The following PDE4D variants were observed in gnomAD, a reference collection of about 807,000 sequenced individuals.
PDE4D encodes the protein phosphodiesterase 4D.
PDE4D carries 24 observed loss-of-function variants against 87.4 expected under a neutral mutation model. The observed-to-expected ratio is 0.27, with a 90% CI of 0.20 to 0.39. PDE4D has a LOEUF of 0.39. Ranked by LOEUF, PDE4D falls within the 10% of genes least tolerant of loss-of-function variation. PDE4D has a pLI of 1.00. For synonymous variants in PDE4D, 384 were observed against 383.2 expected, an observed-to-expected ratio of 1.00 and a Z score of -0.02; for missense variants, 714 against 1,041.0, an observed-to-expected ratio of 0.69 and a Z score of 4.32.
Position 60,414,828 on chromosome 5 carries a change from C to G in PDE4D, c.-90+73114G>C, listed in dbSNP as rs183029230. ...ATTCCACATGACAGCCTTCACTTAC[C>G]TATCTAAGGTCATAACATCCCCAAA... On this transcript the variant is annotated intron_variant, in intron 1 of 16. Transcript: ENST00000502484. Among the ~76,000 whole-genome samples the G allele has an allele frequency of 3.0e-4, 46 of 152,354 alleles. 2 individuals carry two copies. The East Asian group carries it at 5.0e-3, about 17-fold the overall frequency.
intron 1 of PDE4D, among the ~76,000 whole-genome samples, chr5:59,349,453 G>C (rs1321310852): frequency 6.6e-6 from 1 of 152,070 alleles, no homozygotes; most frequent in Non-Finnish European, 1.5e-5. Flanking sequence ...GCCCAGATCA[G>C]ACAGGCTTTG....
intron 1 of PDE4D, among the ~76,000 whole-genome samples, chr5:60,185,972 A>G (rs1185493258): frequency 2.6e-5 from 4 of 151,374 alleles, no homozygotes; most frequent in Middle Eastern, 6.9e-3. Flanking sequence ...GCCATAACCT[A>G]AAGTTACATG....
chr5:59,821,512 T>G (rs1397268983), intron 1 of PDE4D, among the ~76,000 whole-genome samples: 1 of 152,240 alleles, frequency 6.6e-6, no homozygotes, highest in Non-Finnish European at 1.5e-5. Context: ...TTTATTTATA[T>G]TGTTACTTAA....
intron 1 of PDE4D, among the ~76,000 whole-genome samples, chr5:59,635,005 AAAG>A (rs1832053292): frequency 6.6e-6 from 1 of 152,192 alleles, no homozygotes; most frequent in South Asian, 2.1e-4. Context: ...ATGAAGAAGA[AAAG>A]AGAGAAGAAT....
intron 2 of PDE4D, chr5:59,988,793 T>C: frequency 1.4e-6 from 1 of 736,596 alleles, no homozygotes; most frequent in Non-Finnish European, 2.2e-6. Context: ...GGCTTAATAC[T>C]TTCCTGGGAA....
At chr5:59,563,846 T>C (rs767792383) in intron 1 of PDE4D, among the ~76,000 whole-genome samples, 6 of 152,178 alleles carry the variant, frequency 3.9e-5, no homozygotes, top group Non-Finnish European at 8.8e-5. Flanking sequence ...CATGAAAAGA[T>C]ACCAAACATG....
intron 5 of PDE4D, among the ~76,000 whole-genome samples, chr5:59,046,350 GAA>G (rs1320094312): frequency 6.6e-6 from 1 of 152,052 alleles, no homozygotes; most frequent in African/African-American, 2.4e-5. Flanking sequence ...GTGTGTAAGA[GAA>G]AGGAGTCAGC....
intron 5 of PDE4D, among the ~76,000 whole-genome samples, chr5:59,093,122 G>A (rs1288921487): frequency 1.3e-5 from 2 of 152,166 alleles, no homozygotes; most frequent in Non-Finnish European, 2.9e-5. Context: ...AAGTGCCTTA[G>A]CATAATCGAG....
intron 2 of PDE4D, among the ~76,000 whole-genome samples, chr5:59,199,879 T>C (rs977837378): frequency 3.3e-5 from 5 of 151,944 alleles, no homozygotes; most frequent in African/African-American, 1.2e-4. Flanking sequence ...TACATACATC[T>C]ATATACACAT....
At chr5:60,220,300 C>T (rs1402331341) in intron 1 of PDE4D, among the ~76,000 whole-genome samples, 1 of 152,102 alleles carries the variant, frequency 6.6e-6, no homozygotes, top group Non-Finnish European at 1.5e-5. Context: ...TGCTAATTTG[C>T]CCAGGAAGTA....
chr5:60,343,105 T>C (rs1758445669), intron 1 of PDE4D, among the ~76,000 whole-genome samples: 1 of 152,162 alleles, frequency 6.6e-6, no homozygotes, highest in Admixed American at 6.5e-5. Context: ...AATTTTAAAA[T>C]CATTAATTTT....
At chr5:59,855,326 A>C (rs1396636092) in intron 1 of PDE4D, among the ~76,000 whole-genome samples, 1 of 152,184 alleles carries the variant, frequency 6.6e-6, no homozygotes, top group Admixed American at 6.6e-5. Context: ...AAACAAAGTC[A>C]AACTTCTTAA....
At chr5:59,650,640 A>G (rs979176729) in intron 1 of PDE4D, among the ~76,000 whole-genome samples, 3 of 152,230 alleles carry the variant, frequency 2.0e-5, no homozygotes, top group Admixed American at 6.5e-5. Flanking sequence ...ATAAGTAAAC[A>G]TAACTTTAAA....
chr5:59,677,390 C>T (rs1748275250), intron 1 of PDE4D, among the ~76,000 whole-genome samples: 1 of 152,122 alleles, frequency 6.6e-6, no homozygotes, highest in African/African-American at 2.4e-5. Context: ...ACGTTTAAGG[C>T]TCTTTTTAAT....
chr5:60,409,538 A>G (rs1290744917), intron 1 of PDE4D, among the ~76,000 whole-genome samples: 3 of 152,186 alleles, frequency 2.0e-5, no homozygotes, highest in African/African-American at 7.2e-5. Flanking sequence ...CTTTATCATC[A>G]TCATCATCAT....
chr5:59,172,036 T>A (rs28680208), intron 5 of PDE4D, among the ~76,000 whole-genome samples: 3 of 4,042 alleles, frequency 7.4e-4, no homozygotes, highest in Non-Finnish European at 1.4e-3. Context: ...TAAATATATA[T>A]TATATATATA....
intron 1 of PDE4D, among the ~76,000 whole-genome samples, chr5:59,485,217 A>G (rs1466930730): frequency 6.6e-6 from 1 of 152,208 alleles, no homozygotes; most frequent in South Asian, 2.1e-4. Flanking sequence ...AGATAAAAAG[A>G]TGATGACTCT....
At chr5:59,590,306 G>GA (rs1236001196) in intron 1 of PDE4D, among the ~76,000 whole-genome samples, 3 of 152,054 alleles carry the variant, frequency 2.0e-5, no homozygotes, top group Non-Finnish European at 4.4e-5. Context: ...TGTCAAAAAT[G>GA]AAAAAATGTT....
intron 5 of PDE4D, among the ~76,000 whole-genome samples, chr5:59,125,024 T>C (rs1406338888): frequency 2.0e-5 from 3 of 152,162 alleles, no homozygotes; most frequent in African/African-American, 7.2e-5. Flanking sequence ...TTATATCTGC[T>C]ACATGAAGAA....
Sources: allele counts gnomAD v4.1 joint callset (sites outside exome capture counted in the v4.1 genomes callset), GRCh38; gene constraint gnomAD v4.1.1; transcripts MANE v1.5; gene names NCBI Gene and HGNC (gene_info 2026-07-23, HGNC 2026-07-21).